The following VAT1L variants were observed in gnomAD, a reference collection of about 807,000 sequenced individuals.
The protein encoded by VAT1L is vesicle amine transport 1 like.
A neutral mutation model predicts 44.1 loss-of-function variants in VAT1L; 34 were observed. The observed-to-expected ratio is 0.77, with a 90% CI of 0.59 to 1.03. The LOEUF (loss-of-function observed/expected upper bound fraction) is 1.03, where lower values mean the gene tolerates loss of function less well. Ranked by LOEUF, VAT1L falls within the 50% of genes least tolerant of loss-of-function variation. The probability of loss-of-function intolerance (pLI) is 0.00; values close to 1 mark genes in which losing one functional copy is unlikely to be tolerated. For missense variants in VAT1L, 615 were observed against 538.8 expected (o/e 1.14, Z -1.40); for synonymous variants, 253 against 202.2 (o/e 1.25, Z -2.13).
At chr16:77,800,020 G>C (rs1433947957) in intron 1 of VAT1L, 1 of 152,160 alleles carries the variant, frequency 6.6e-6, no homozygotes, top group African/African-American at 2.4e-5. Context: ...TGGGGCTCAA[G>C]CTTCCCTTCC....
chr16:77,861,033 T>C (rs1358280478), intron 3 of VAT1L, among the ~76,000 whole-genome samples: 1 of 152,196 alleles, frequency 6.6e-6, no homozygotes, highest in Admixed American at 6.5e-5. Flanking sequence ...TTTTCCTTTA[T>C]CTATAGAGCA....
intron 4 of VAT1L, among the ~76,000 whole-genome samples, chr16:77,864,716 A>T (rs2016953403): frequency 6.6e-6 from 1 of 152,192 alleles, no homozygotes; most frequent in African/African-American, 2.4e-5. Context: ...AGATTTGGTG[A>T]AACTTGGGAA....
chr16:77,862,623 T>TAAAAA (rs34096024), intron 3 of VAT1L, 125 bp from the exon 4 acceptor site: 266 of 396,464 alleles, frequency 6.7e-4, no homozygotes, highest in Middle Eastern at 3.6e-3. Context: ...ACTCCATCTC[T>TAAAAA]AAAAAAAAAA....
chr16:77,860,641 A>T (rs551421702), intron 3 of VAT1L, among the ~76,000 whole-genome samples: 2 of 152,358 alleles, frequency 1.3e-5, no homozygotes, highest in Admixed American at 6.5e-5. Context: ...ACTATGACAT[A>T]TCTGAGGCCA....
Position 77,788,740 on chromosome 16 carries a change from G to A in VAT1L, c.58G>A (p.Ala20Thr). The A allele has an allele frequency of 6.4e-7, 1 of 1,560,534 alleles. No homozygotes were observed. Among genetic ancestry groups the A allele is most frequent in the Non-Finnish European group, 8.7e-7 (1 of 1,151,834 alleles). The change falls in exon 1 of 9, where the codon GCA (alanine) becomes ACA (threonine). Residue 20 changes from alanine to threonine, a missense_variant. Coordinates refer to ENST00000302536, the MANE Select transcript of VAT1L (RefSeq NM_020927.3). ...GACGGAGCAAATGATCGAGAAGGAG[G>A]CAGGCAAGGAGCCGGCGGAGGGCGG... ...EETEQMIEKE[A>T]GKEPAEGGGG...
chr16:77,974,296 A>G (rs1015206227), intron 8 of VAT1L, among the ~76,000 whole-genome samples: 3 of 152,156 alleles, frequency 2.0e-5, no homozygotes, highest in Non-Finnish European at 4.4e-5. Context: ...AGTCTCTTTC[A>G]GTCCCATTTG....
At chr16:77,913,105 C>T (rs745482305) in intron 7 of VAT1L, among the ~76,000 whole-genome samples, 4 of 152,134 alleles carry the variant, frequency 2.6e-5, no homozygotes, top group East Asian at 1.9e-4. Flanking sequence ...GCTGTTTCTC[C>T]GATCCCCTTT....
chr16:77,834,297 C>T (rs2016615442), intron 3 of VAT1L, among the ~76,000 whole-genome samples: 1 of 152,198 alleles, frequency 6.6e-6, no homozygotes, highest in Admixed American at 6.5e-5. Context: ...CTTGCCTGTT[C>T]TATAGAAGCT....
In VAT1L at chr16:77,900,379, A is replaced by G. The variant is rs1474119639; in HGVS notation, c.1077+15577A>G. Among the ~76,000 whole-genome samples, 7 of 152,148 alleles carry G rather than the reference A, an allele frequency of 4.6e-5. No homozygotes were observed. In the South Asian group the frequency reaches 1.5e-3, roughly 32 times the overall value. On this transcript the variant is annotated intron_variant, in intron 7 of 8. Coordinates refer to ENST00000302536, the MANE Select transcript of VAT1L (RefSeq NM_020927.3). The stretch of plus-strand genomic sequence containing the variant: ...AAATAAGCTATATAAATATATAACT[A>G]CAATATACAACATTTAGAAAATAGG...
At chr16:77,871,915 C>G (rs1005349026) in intron 4 of VAT1L, among the ~76,000 whole-genome samples, 2 of 152,154 alleles carry the variant, frequency 1.3e-5, no homozygotes, top group Non-Finnish European at 2.9e-5. Context: ...CGTACTCTTT[C>G]TTTTCATGCC....
intron 3 of VAT1L, among the ~76,000 whole-genome samples, chr16:77,862,546 G>A (rs1333983305): frequency 6.6e-6 from 1 of 150,584 alleles, no homozygotes; most frequent in Non-Finnish European, 1.5e-5. Flanking sequence ...AACACAGGAG[G>A]TAGAGGTTGC....
chr16:77,906,513 G>C (rs1018885260), intron 7 of VAT1L, among the ~76,000 whole-genome samples: 3 of 152,320 alleles, frequency 2.0e-5, no homozygotes, highest in South Asian at 2.1e-4. Context: ...GAACTTATTT[G>C]AGAAATGATC....
rs66461822 is a variant in VAT1L at position 77,946,279 on chromosome 16, C to CTTTTTTTTTTTTTTTTTTTTTTTTTTT, written c.1078-25549_1078-25548insTTTTTTTTTTTTTTTTTTTTTTTTTTT. On this transcript the variant is annotated intron_variant, in intron 7 of 8. Coordinates refer to ENST00000302536, the MANE Select transcript of VAT1L (RefSeq NM_020927.3). ...GTTCTGGACATCTAGGTTACTTGTT[C>CTTTTTTTTTTTTTTTTTTTTTTTTTTT]TTTTTTTTTTTTTTTTTTTTTTGAG... 3.8e-4 allele frequency among the ~76,000 whole-genome samples: 27 copies of CTTTTTTTTTTTTTTTTTTTTTTTTTTT among 70,418 alleles called. 11 individuals are homozygous for CTTTTTTTTTTTTTTTTTTTTTTTTTTT. The highest frequency in any genetic ancestry group is 6.9e-4 in the Admixed American group (3 of 4,342). The allele number at this position is 70,418 out of a possible 152,430, so 46.2% of individuals were successfully genotyped here.
intron 1 of VAT1L, among the ~76,000 whole-genome samples, chr16:77,790,764 C>G (rs1203736910): frequency 6.6e-6 from 1 of 152,142 alleles, no homozygotes; most frequent in East Asian, 1.9e-4. Flanking sequence ...AATGATAAAA[C>G]TACTTTTTAA....
intron 7 of VAT1L, among the ~76,000 whole-genome samples, chr16:77,945,433 C>T (rs2017949277): frequency 6.6e-6 from 1 of 151,852 alleles, no homozygotes; most frequent in African/African-American, 2.4e-5. Flanking sequence ...ATTACAGGCA[C>T]TCACCATCAT....
chr16:77,815,435 G>C (rs1381942142), intron 1 of VAT1L, among the ~76,000 whole-genome samples: 1 of 152,194 alleles, frequency 6.6e-6, no homozygotes, highest in Non-Finnish European at 1.5e-5. Context: ...CCTTCAAGGA[G>C]GTTGCACTTT....
intron 7 of VAT1L, among the ~76,000 whole-genome samples, chr16:77,965,503 A>G (rs1460269553): frequency 3.3e-5 from 5 of 152,180 alleles, no homozygotes; most frequent in Non-Finnish European, 7.4e-5. Context: ...GACATGACTC[A>G]GATTTCCTCC....
At chr16:77,970,443 T>G (rs1035299375) in intron 7 of VAT1L, among the ~76,000 whole-genome samples, 3 of 152,358 alleles carry the variant, frequency 2.0e-5, no homozygotes, top group African/African-American at 4.8e-5. Context: ...AGCTAGAGAT[T>G]AAAACATTTT....
At chr16:77,900,936 CAG>C (rs1474059670) in intron 7 of VAT1L, among the ~76,000 whole-genome samples, 1 of 151,954 alleles carries the variant, frequency 6.6e-6, no homozygotes, top group African/African-American at 2.4e-5. Flanking sequence ...AGCAGAGACA[CAG>C]AGTCACAGCA....
Sources: allele counts gnomAD v4.1 joint callset (sites outside exome capture counted in the v4.1 genomes callset), GRCh38; gene constraint gnomAD v4.1.1; transcripts MANE v1.5; gene names NCBI Gene and HGNC (gene_info 2026-07-23, HGNC 2026-07-21).